Variants in ARIH1 observed in about 807,000 individuals in gnomAD.
ARIH1 encodes ariadne RBR E3 ubiquitin protein ligase 1.
In ARIH1, 8 loss-of-function variants were observed where a neutral mutation model predicts 85.0. The observed-to-expected ratio is 0.09, with a 90% confidence interval of 0.06 to 0.17. The LOEUF (loss-of-function observed/expected upper bound fraction) is 0.17. Among genes scored for constraint, ARIH1 ranks in the 10% least tolerant of loss-of-function variants. The pLI is 1.00. For missense variants in ARIH1, 311 were observed against 718.1 expected (o/e 0.43, Z 6.48); for synonymous variants, 238 against 253.6 (o/e 0.94, Z 0.59).
chr15:72,563,354 C>G (rs368108395), intron 6 of ARIH1, 40 bp from the exon 7 acceptor site: 1 of 1,571,906 alleles, frequency 6.4e-7, no homozygotes, highest in Non-Finnish European at 8.8e-7. Flanking sequence ...CCACTGTGCC[C>G]AGCCAGCTGT....
At position 72,534,959 on chromosome 15, in the gene ARIH1, C is replaced by CTTTTTTTTTTTTTTTTTTTTTTT. The variant is rs59841210; in HGVS notation, c.444-9850_444-9849insTTTTTTTTTTTTTTTTTTTTTTT. Reference sequence around the variant, plus strand: ...CCTATGTCTTCTTATTGTCTGTATTCTTTTTTTTTTTGAGACGGAGTCTCG... The same window carrying CTTTTTTTTTTTTTTTTTTTTTTT: ...CCTATGTCTTCTTATTGTCTGTATTCTTTTTTTTTTTTTTTTTTTTTTTTTTTTTTTTTTGAGACGGAGTCTCG... On this transcript the variant is annotated intron_variant, in intron 2 of 13. Coordinates refer to ENST00000379887, the MANE Select transcript of ARIH1 (RefSeq NM_005744.5). Among the ~76,000 whole-genome samples the CTTTTTTTTTTTTTTTTTTTTTTT allele has an allele frequency of 8.0e-4, 59 of 73,894 alleles. 19 individuals are homozygous for CTTTTTTTTTTTTTTTTTTTTTTT. Among genetic ancestry groups the CTTTTTTTTTTTTTTTTTTTTTTT allele is most frequent in the Non-Finnish European group, 1.5e-3 (44 of 28,456 alleles). The allele number at this position is 73,894 out of a possible 152,430, so 48.5% of individuals were successfully genotyped here.
rs2140440904 is a variant in ARIH1 at position 72,582,630 on chromosome 15, G to A, written c.1589+443G>A. 6.6e-6 allele frequency among the ~76,000 whole-genome samples: 1 copy of A among 151,728 alleles called. No individual in the cohort carries two copies. Among genetic ancestry groups the A allele is most frequent in the East Asian group, 1.9e-4 (1 of 5,170 alleles). On this transcript the variant is annotated intron_variant, in intron 13 of 13. Coordinates refer to ENST00000379887, the MANE Select transcript of ARIH1 (RefSeq NM_005744.5). This position sits in a 1 kb window ranked among gnomAD's most constrained non-coding sequence, Gnocchi z 4.6. Reference sequence around the variant, plus strand: ...TTAATCTAAGGAGATACTTGTCCTAGGAGTCGATTTTTCAAGATGTGCCGC... The same window carrying A: ...TTAATCTAAGGAGATACTTGTCCTAAGAGTCGATTTTTCAAGATGTGCCGC...
chr15:72,521,794 C>G (rs900429316), intron 2 of ARIH1, among the ~76,000 whole-genome samples: 2 of 152,126 alleles, frequency 1.3e-5, no homozygotes, highest in Non-Finnish European at 2.9e-5. Flanking sequence ...GGTGATCTTC[C>G]CCTCTCTACC....
rs1595863181 is a variant in ARIH1 at position 72,532,301 on chromosome 15, A to AAATT, written c.444-12517_444-12516insTTAA. Among the ~76,000 whole-genome samples, 4 of 152,210 alleles carry AAATT rather than the reference A, an allele frequency of 2.6e-5. No homozygotes were observed. The East Asian group carries it at 7.7e-4, about 29-fold the overall frequency. On this transcript the variant is annotated intron_variant, in intron 2 of 13. Coordinates refer to ENST00000379887, the MANE Select transcript of ARIH1 (RefSeq NM_005744.5). ...GTGGATGGTTTAAAAAAAAACTCTT[A>AAATT]AAATTATGGACAACTATTCAAACTT...
chr15:72,484,630 C>CATATAT (rs561062659), intron 1 of ARIH1, among the ~76,000 whole-genome samples: 1 of 147,876 alleles, frequency 6.8e-6, no homozygotes, highest in African/African-American at 2.5e-5. Flanking sequence ...AGTATTCCAT[C>CATATAT]ATATATATAT....
At chr15:72,550,950 G>A (rs566218910) in intron 3 of ARIH1, among the ~76,000 whole-genome samples, 1 of 152,064 alleles carries the variant, frequency 6.6e-6, no homozygotes, top group Non-Finnish European at 1.5e-5. Context: ...CGGATTACAG[G>A]CACGAGCCAC....
chr15:72,491,920 G>A (rs1322816094), intron 1 of ARIH1, among the ~76,000 whole-genome samples: 1 of 152,102 alleles, frequency 6.6e-6, no homozygotes, highest in African/African-American at 2.4e-5. Context: ...TTGCCTCTGC[G>A]GAACTCTTCT....
rs192526968 is a variant in ARIH1, at chr15:72,522,378, G to A, written c.443+4244G>A. 5.9e-5 allele frequency among the ~76,000 whole-genome samples: 9 copies of A among 152,282 alleles called. No homozygotes were observed. The East Asian group carries it at 1.5e-3, about 26-fold the overall frequency. On this transcript the variant is annotated intron_variant, in intron 2 of 13. Coordinates refer to ENST00000379887, the MANE Select transcript of ARIH1 (RefSeq NM_005744.5). ...AAAACACAAAAGTTAGCCAGGCGTG[G>A]TGATGGACACCTGTTATTCCAGCTA... is the stretch of plus-strand genomic sequence containing the variant.
intron 9 of ARIH1, among the ~76,000 whole-genome samples, chr15:72,568,184 C>G (rs1473362926): frequency 6.6e-6 from 1 of 152,074 alleles, no homozygotes; most frequent in Non-Finnish European, 1.5e-5. Flanking sequence ...ATAAGCATAA[C>G]TCACGTCAAT....
Position 72,474,725 on chromosome 15 carries a change from A to G in ARIH1, c.86A>G (p.Asp29Gly). ...GACAGCGGCGCCGAGGAGGAGGAGG[A>G]CGAAGACGACGACGAGCCGGACGAT... ...EEDSGAEEEE[D>G]EDDDEPDDDT... Residue 29 changes from aspartate (D) to glycine (G), a missense_variant, in exon 1 of 14, where the codon GAC becomes GGC. By Grantham distance (94) the Asp-to-Gly change is moderately conservative. Coordinates refer to ENST00000379887, the MANE Select transcript of ARIH1 (RefSeq NM_005744.5). 1 of 1,563,740 alleles carries G rather than the reference A, an allele frequency of 6.4e-7. No homozygotes were observed. The highest frequency in any genetic ancestry group is 8.6e-7 in the Non-Finnish European group (1 of 1,156,344).
chr15:72,506,351 CA>C (rs71134002), intron 1 of ARIH1, among the ~76,000 whole-genome samples: 4 of 73,094 alleles, frequency 5.5e-5, no homozygotes, highest in South Asian at 6.8e-4. Flanking sequence ...CTCCGTCTCA[CA>C]AAAAAAAAAA....
rs934348200 is a variant in ARIH1, at chr15:72,593,006, G to A, written c.*9714G>A. 2.6e-5 allele frequency: 4 copies of A among 152,100 alleles called. No homozygotes were observed. The highest frequency in any genetic ancestry group is 9.7e-5 in the African/African-American group (4 of 41,412). The allele number at this position is 152,100 out of a possible 1,614,324, so 9.4% of individuals were successfully genotyped here. The stretch of plus-strand genomic sequence containing the variant: ...AACTGCCCTCTTATTCTCCAAAGTG[G>A]TTTTACCATTTTGTACTCCTATCAG... On this transcript the variant is annotated 3_prime_UTR_variant, in exon 14 of 14. Coordinates refer to ENST00000379887, the MANE Select transcript of ARIH1 (RefSeq NM_005744.5).
At chr15:72,541,381 A>T (rs748294689) in intron 2 of ARIH1, among the ~76,000 whole-genome samples, 6 of 152,250 alleles carry the variant, frequency 3.9e-5, no homozygotes, top group Non-Finnish European at 8.8e-5. Context: ...AAAAAAAGTT[A>T]TAAAACTATT....
intron 3 of ARIH1, among the ~76,000 whole-genome samples, chr15:72,547,834 C>T (rs2064136449): frequency 6.6e-6 from 1 of 152,178 alleles, no homozygotes; most frequent in Non-Finnish European, 1.5e-5. Context: ...TAGACAGTTC[C>T]TTCTTAACTT....
chr15:72,578,960 A>G (rs1347430514), intron 11 of ARIH1, among the ~76,000 whole-genome samples: 1 of 150,380 alleles, frequency 6.6e-6, no homozygotes, highest in Admixed American at 6.6e-5. Flanking sequence ...AATTTTTTGT[A>G]TTTTAGTAGA....
chr15:72,475,415 C>G (rs919261144), intron 1 of ARIH1, among the ~76,000 whole-genome samples: 1 of 152,160 alleles, frequency 6.6e-6, no homozygotes, highest in South Asian at 2.1e-4. Context: ...TTACCCCGGC[C>G]GTAGCCTCAT....
chr15:72,537,500 G>A (rs2064087811), intron 2 of ARIH1, among the ~76,000 whole-genome samples: 1 of 152,062 alleles, frequency 6.6e-6, no homozygotes, highest in East Asian at 1.9e-4. Context: ...TATTTTTTAT[G>A]ACTTATTATT....
chr15:72,559,037 A>T (rs78557480), intron 5 of ARIH1, among the ~76,000 whole-genome samples: 4,732 of 152,264 alleles, frequency 0.031, 120 homozygotes, highest in East Asian at 0.12. Context: ...TCCTTAGTAT[A>T]CTGGGGATTG....
At chr15:72,498,270 C>T (rs564131403) in intron 1 of ARIH1, among the ~76,000 whole-genome samples, 62 of 152,172 alleles carry the variant, frequency 4.1e-4, no homozygotes, top group Non-Finnish European at 7.5e-4. Flanking sequence ...AAATGAGGCA[C>T]ATTTGTGCTT....
Sources: gnomAD v4.1 joint callset for allele counts (sites outside exome capture counted in the v4.1 genomes callset) on GRCh38, gnomAD v4.1.1 for gene constraint, Gnocchi (gnomAD v3.1) non-coding constraint, MANE v1.5 for transcripts, NCBI Gene and HGNC (gene_info 2026-07-23, HGNC 2026-07-21) for gene names.